Variants in SCHIP1 observed in about 807,000 individuals in gnomAD.
The protein encoded by SCHIP1 is schwannomin interacting protein 1.
SCHIP1 carries 8 observed loss-of-function variants against 29.7 expected under a neutral mutation model. That is an observed-to-expected ratio of 0.27 (90% CI 0.16 to 0.49). The LOEUF (loss-of-function observed/expected upper bound fraction) is 0.49, where lower values mean the gene tolerates loss of function less well. Among genes scored for constraint, SCHIP1 ranks in the 20% least tolerant of loss-of-function variants. The probability of loss-of-function intolerance (pLI) is 0.99; values close to 1 mark genes in which losing one functional copy is unlikely to be tolerated. For missense variants in SCHIP1, 193 were observed against 294.6 expected (o/e 0.66, Z 2.52); for synonymous variants, 76 against 94.9 (o/e 0.80, Z 1.16).
At chr3:159,419,742 G>A in the SCHIP1 span, among the ~76,000 whole-genome samples, 5 of 152,202 alleles carry the variant, frequency 3.3e-5, no homozygotes, top group African/African-American at 7.2e-5. Flanking sequence ...CCAGGAGGCG[G>A]AGGTTGCAGT....
Position 159,886,353 on chromosome 3 carries a change from C to T in SCHIP1, c.267+29C>T, listed in dbSNP as rs376953775. 7.1e-5 allele frequency: 113 copies of T among 1,597,056 alleles called. 1 individual carries two copies. The highest frequency in any genetic ancestry group is 4.2e-4 in the African/African-American group (31 of 74,626). On this transcript the variant is annotated intron_variant, in intron 3 of 6. Transcript: ENST00000445224. ...AGTCCAAACAGCACCAGCTGAAGCT[C>T]GGTGTTGTGATTTCCGGGCCATTTA... is the stretch of plus-strand genomic sequence containing the variant.
the SCHIP1 span, among the ~76,000 whole-genome samples, chr3:159,529,067 T>C: frequency 6.6e-6 from 1 of 152,002 alleles, no homozygotes; most frequent in Non-Finnish European, 1.5e-5. Flanking sequence ...TTAGATAATA[T>C]ATATAGATAA....
chr3:159,476,016 C>T, the SCHIP1 span, among the ~76,000 whole-genome samples: 3 of 152,132 alleles, frequency 2.0e-5, no homozygotes, highest in East Asian at 1.9e-4. Context: ...ATCTGTACCT[C>T]GAAGCTGCCA....
the SCHIP1 span, among the ~76,000 whole-genome samples, chr3:159,445,902 G>T: frequency 6.6e-6 from 1 of 150,500 alleles, no homozygotes; most frequent in Non-Finnish European, 1.5e-5. Flanking sequence ...GGGAAGGATA[G>T]CATTAGGAGA....
the SCHIP1 span, among the ~76,000 whole-genome samples, chr3:159,524,371 G>A: frequency 6.6e-6 from 1 of 152,152 alleles, no homozygotes; most frequent in African/African-American, 2.4e-5. Flanking sequence ...ACCTAATTTT[G>A]ATGCATTCTT....
chr3:159,510,677 C>G, the SCHIP1 span, among the ~76,000 whole-genome samples: 1 of 152,188 alleles, frequency 6.6e-6, no homozygotes, highest in South Asian at 2.1e-4. Flanking sequence ...TGTTAGTTTT[C>G]CTTCTAACAG....
chr3:159,855,931 G>A (rs146291319), intron 1 of SCHIP1, among the ~76,000 whole-genome samples: 13 of 152,288 alleles, frequency 8.5e-5, no homozygotes, highest in East Asian at 7.7e-4. Flanking sequence ...TTCTTTTTCC[G>A]TGGGGAAGGT....
the SCHIP1 span, among the ~76,000 whole-genome samples, chr3:159,397,000 C>A: frequency 1.4e-5 from 2 of 144,206 alleles, no homozygotes; most frequent in Admixed American, 7.2e-5. Flanking sequence ...TCCCATATTT[C>A]TTGGAGGCTT....
chr3:159,506,849 A>G, the SCHIP1 span, among the ~76,000 whole-genome samples: 1 of 152,192 alleles, frequency 6.6e-6, no homozygotes, highest in Non-Finnish European at 1.5e-5. Flanking sequence ...TACCAGTACC[A>G]TGCTGTTTTT....
the SCHIP1 span, among the ~76,000 whole-genome samples, chr3:159,753,824 C>G: frequency 1.3e-5 from 2 of 152,212 alleles, no homozygotes; most frequent in East Asian, 3.8e-4. Flanking sequence ...CTTCCCGTTA[C>G]TCCAATGTGT....
chr3:159,565,224 A>G, the SCHIP1 span, among the ~76,000 whole-genome samples: 4 of 152,314 alleles, frequency 2.6e-5, no homozygotes, highest in Non-Finnish European at 5.9e-5. Context: ...TAGTTAGCAT[A>G]GCTTACTTTA....
At chr3:159,647,504 T>G in the SCHIP1 span, among the ~76,000 whole-genome samples, 1 of 152,114 alleles carries the variant, frequency 6.6e-6, no homozygotes, top group Non-Finnish European at 1.5e-5. Context: ...TGTGAGAATT[T>G]CAAACAATAA....
the SCHIP1 span, chr3:159,808,455 T>C: frequency 6.6e-6 from 1 of 152,242 alleles, no homozygotes; most frequent in East Asian, 1.9e-4. Context: ...TAGATGGGGC[T>C]TCCCAGAAAG....
chr3:159,334,242 ACTGT>A, the SCHIP1 span, among the ~76,000 whole-genome samples: 1 of 152,138 alleles, frequency 6.6e-6, no homozygotes, highest in Middle Eastern at 3.2e-3. Context: ...TGTTGGCGAG[ACTGT>A]CTGACCAGTT....
the SCHIP1 span, among the ~76,000 whole-genome samples, chr3:159,303,160 G>T: frequency 2.0e-5 from 3 of 152,092 alleles, no homozygotes; most frequent in Non-Finnish European, 4.4e-5. Flanking sequence ...AGCAGAGACA[G>T]GCAGAGATGG....
the SCHIP1 span, chr3:159,763,668 C>T: frequency 1.2e-4 from 19 of 152,302 alleles, no homozygotes; most frequent in African/African-American, 4.6e-4. Flanking sequence ...GCTCCACCGC[C>T]AGGAGGGCGC....
At chr3:159,394,850 C>A in the SCHIP1 span, among the ~76,000 whole-genome samples, 2 of 152,006 alleles carry the variant, frequency 1.3e-5, no homozygotes. Flanking sequence ...AGGGAGGATT[C>A]CCTCTTTTTC....
At chr3:159,840,038 T>C (rs1744074004) in exon 1 of SCHIP1, 1 of 1,471,690 alleles carries the variant, frequency 6.8e-7, no homozygotes, top group African/African-American at 1.4e-5. Flanking sequence ...CGCAGGTTGA[T>C]CAGCGAAACA....
chr3:159,844,302 AC>A (rs533922019), intron 1 of SCHIP1, among the ~76,000 whole-genome samples: 90 of 152,336 alleles, frequency 5.9e-4, no homozygotes, highest in African/African-American at 2.1e-3. Flanking sequence ...GAGCCTGAAC[AC>A]CCCTGTTTGA....
Sources: allele counts gnomAD v4.1 joint callset (sites outside exome capture counted in the v4.1 genomes callset), GRCh38; gene constraint gnomAD v4.1.1; transcripts MANE v1.5; gene names NCBI Gene and HGNC (gene_info 2026-07-23, HGNC 2026-07-21).